DCAF1: variants seen among roughly 807,000 people sequenced by gnomAD.
DCAF1 encodes the protein DDB1- and CUL4-associated factor 1.
DCAF1 carries 15 observed loss-of-function variants against 128.0 expected under a neutral mutation model. That is an observed-to-expected ratio of 0.12 (90% CI 0.08 to 0.18). The LOEUF (loss-of-function observed/expected upper bound fraction) is 0.18. Ranked by LOEUF, DCAF1 falls within the 10% of genes least tolerant of loss-of-function variation. The probability of loss-of-function intolerance (pLI) is 1.00; values close to 1 mark genes in which losing one functional copy is unlikely to be tolerated. For synonymous variants in DCAF1, 610 were observed against 603.0 expected, an observed-to-expected ratio of 1.01 and a Z score of -0.17; for missense variants, 988 against 1,649.5, an observed-to-expected ratio of 0.60 and a Z score of 6.95.
chr3:51,463,813 C>CA (rs1293771181), intron 5 of DCAF1, among the ~76,000 whole-genome samples: 54 of 151,704 alleles, frequency 3.6e-4, no homozygotes, highest in African/African-American at 9.4e-4. Context: ...AGAACAAAAA[C>CA]AAAAAAAATG....
In DCAF1 at chr3:51,419,865, G is replaced by A. The variant is rs1402216378; in HGVS notation, c.3105C>T (p.His1035=). 1 of 1,613,960 alleles carries A rather than the reference G, an allele frequency of 6.2e-7. No homozygotes were observed. Among genetic ancestry groups the A allele is most frequent in the Non-Finnish European group, 8.5e-7 (1 of 1,179,914 alleles). ...GCCTCTGTTTTGGCTCAGGACATTG[G>A]TGAGGAGTAAAGAGGGAGAAAGGTG... The part of the protein sequence containing the change: ...TCPPFSLFTP[H]QCPEPKQRRQ... Residue 1035 remains histidine (H), a synonymous_variant, in exon 15 of 25, where the codon CAC becomes CAT. Coordinates refer to ENST00000684031, the MANE Select transcript of DCAF1 (RefSeq NM_001387579.1).
intron 6 of DCAF1, among the ~76,000 whole-genome samples, chr3:51,452,845 C>G (rs1702491496): frequency 6.6e-6 from 1 of 152,004 alleles, no homozygotes; most frequent in South Asian, 2.1e-4. Flanking sequence ...AACCTCATCT[C>G]TAATAAAAAT....
Position 51,499,959 on chromosome 3 carries a change from T to G in DCAF1, c.-142A>C, listed in dbSNP as rs1454452095. On this transcript the variant is annotated 5_prime_UTR_variant, in exon 1 of 25. Transcript: ENST00000684031. The stretch of plus-strand genomic sequence containing the variant: ...ACACAGCCTCAGGTCCCGCACTCAC[T>G]CTCCACTCACACACACACACAGCGC... The G allele has an allele frequency of 6.1e-5, 6 of 99,144 alleles. No individual in the cohort carries two copies. Among genetic ancestry groups the G allele is most frequent in the African/African-American group, 2.4e-4 (6 of 24,670 alleles). The allele number at this position is 99,144 out of a possible 1,614,324, so 6.1% of individuals were successfully genotyped here.
chr3:51,489,851 AT>A (rs1553657093), intron 2 of DCAF1, among the ~76,000 whole-genome samples: 56,194 of 151,224 alleles, frequency 0.37, 13,244 homozygotes, highest in Non-Finnish European at 0.52. Flanking sequence ...AGATAGATAG[AT>A]AGATAGATGG....
intron 2 of DCAF1, among the ~76,000 whole-genome samples, chr3:51,486,193 C>CTTT (rs35273248): frequency 4.4e-5 from 5 of 113,350 alleles, no homozygotes; most frequent in Non-Finnish European, 3.7e-5. Context: ...CCGGCAGATT[C>CTTT]TTTTTTTTTT....
intron 3 of DCAF1, among the ~76,000 whole-genome samples, chr3:51,472,112 C>T (rs997661422): frequency 1.3e-5 from 2 of 152,150 alleles, no homozygotes; most frequent in African/African-American, 4.8e-5. Context: ...CCACAATACC[C>T]TGAATTAAAT....
At chr3:51,454,401 A>G (rs564210182) in intron 6 of DCAF1, among the ~76,000 whole-genome samples, 1 of 152,188 alleles carries the variant, frequency 6.6e-6, no homozygotes, top group African/African-American at 2.4e-5. Context: ...TCACTCTGTC[A>G]CCCAGAGTGG....
Position 51,441,596 on chromosome 3 carries a change from T to G in DCAF1, c.815A>C (p.Gln272Pro). 6.2e-7 allele frequency: 1 copy of G among 1,614,052 alleles called. No individual in the cohort carries two copies. The highest frequency in any genetic ancestry group is 1.6e-4 in the Middle Eastern group (1 of 6,062). ...TTTCCTAAAGTTCTCTCTGTCACCC[T>G]GTTTTGCTGACTTGTTTTTCTTTAA... The part of the protein sequence containing the change: ...GGLKKNKSAK[Q>P]GDRENFRKAK... The change falls in exon 8 of 25, where the codon CAG (glutamine) becomes CCG (proline). Residue 272 changes from glutamine (Q) to proline (P), a missense_variant. Around this residue, in one of 11 missense-constraint regions of DCAF1, gnomAD observed 210 missense variants for 260.2 expected, o/e 0.81. Transcript: ENST00000684031.
At chr3:51,424,989 A>C (rs1553633750) in intron 13 of DCAF1, among the ~76,000 whole-genome samples, 1 of 152,214 alleles carries the variant, frequency 6.6e-6, no homozygotes, top group Admixed American at 6.5e-5. Context: ...ATGTTTTGAA[A>C]ATATTCATAA....
chr3:51,504,161 T>G (rs1708886785), upstream of DCAF1, among the ~76,000 whole-genome samples: 2 of 151,330 alleles, frequency 1.3e-5, no homozygotes, highest in African/African-American at 4.9e-5. Context: ...CTCAGCATCC[T>G]GAGTAGCTGG....
rs1167474829 is a variant in DCAF1, at chr3:51,451,069, C to CTTTTTTTTTTTTTTTTTTTTTTTTTT, written c.376-7192_376-7167dup. On this transcript the variant is annotated intron_variant, in intron 6 of 24. Transcript: ENST00000684031. ...CAATGAACAATATAAAAAGGAAATTCTTTTTTTTTTTTTTTTTTTTTTTTT... is the reference window on the plus strand; with the variant it reads ...CAATGAACAATATAAAAAGGAAATTCTTTTTTTTTTTTTTTTTTTTTTTTTTTTTTTTTTTTTTTTTTTTTTTTTTT... 7.4e-5 allele frequency among the ~76,000 whole-genome samples: 2 copies of CTTTTTTTTTTTTTTTTTTTTTTTTTT among 27,100 alleles called. 1 individual carries two copies. Among genetic ancestry groups the CTTTTTTTTTTTTTTTTTTTTTTTTTT allele is most frequent in the African/African-American group, 2.6e-4 (2 of 7,728 alleles). 17.8% of individuals were successfully genotyped at this position (27,100 alleles called of 152,430 possible).
At chr3:51,441,176 C>T (rs1701326124) in intron 8 of DCAF1, 105 bp from the exon 9 acceptor site, 27 of 1,214,954 alleles carry the variant, frequency 2.2e-5, no homozygotes, top group Non-Finnish European at 3.0e-5. Flanking sequence ...GCACCTCTTC[C>T]TCCCTCCCTG....
chr3:51,492,038 C>T (rs1017653043), intron 2 of DCAF1, among the ~76,000 whole-genome samples: 12 of 151,586 alleles, frequency 7.9e-5, no homozygotes, highest in African/African-American at 2.9e-4. Context: ...CACTGGTAGT[C>T]CCAGCTACTC....
chr3:51,411,250 G>A (rs1698391819), intron 23 of DCAF1, among the ~76,000 whole-genome samples: 1 of 151,950 alleles, frequency 6.6e-6, no homozygotes, highest in Non-Finnish European at 1.5e-5. Context: ...AAGAACTGGG[G>A]AAGAAAACAT....
At chr3:51,432,267 T>TAAAAAAAAA (rs879192648) in intron 10 of DCAF1, among the ~76,000 whole-genome samples, 1 of 99,040 alleles carries the variant, frequency 1.0e-5, no homozygotes, top group African/African-American at 4.1e-5. Context: ...CAAGATTCTG[T>TAAAAAAAAA]AAAAAAAAAA....
chr3:51,447,002 A>AATAATAATAATAAT, intron 6 of DCAF1, among the ~76,000 whole-genome samples: 1 of 49,060 alleles, frequency 2.0e-5, no homozygotes, highest in South Asian at 7.1e-4. Flanking sequence ...ATAATAATAA[A>AATAATAATAATAAT]ATGTTTTAAA....
At position 51,491,305 on chromosome 3, in the gene DCAF1, G is replaced by A. The variant is rs182462697; in HGVS notation, c.-9+5429C>T. Among the ~76,000 whole-genome samples, 513 of 148,800 alleles carry A rather than the reference G, an allele frequency of 3.4e-3. 2 individuals carry two copies. The highest frequency in any genetic ancestry group is 3.4e-3 in the Non-Finnish European group (228 of 67,538). On this transcript the variant is annotated intron_variant, in intron 2 of 24. Transcript: ENST00000684031. Reference sequence around the variant, plus strand: ...GGAGGCTGCAGTGAGCCAAGATTGCGCCACTGCACTCCAGCAAGGCAACAG... The same window carrying A: ...GGAGGCTGCAGTGAGCCAAGATTGCACCACTGCACTCCAGCAAGGCAACAG...
chr3:51,403,070 A>C, intron 24 of DCAF1, 73 bp downstream of exon 24: 1 of 1,518,548 alleles, frequency 6.6e-7, no homozygotes, highest in Non-Finnish European at 8.8e-7. Context: ...TTGCCCTCTA[A>C]GTTGTATGGG....
chr3:51,496,377 A>G (rs962982627), intron 2 of DCAF1, among the ~76,000 whole-genome samples: 2 of 152,102 alleles, frequency 1.3e-5, no homozygotes, highest in Admixed American at 6.6e-5. Flanking sequence ...CAGTGAGCCG[A>G]GATCGCGCCA....
Sources: gnomAD v4.1 joint callset for allele counts (sites outside exome capture counted in the v4.1 genomes callset) on GRCh38, gnomAD v4.1.1 for gene constraint, gnomAD v4.1.1 regional missense constraint, MANE v1.5 for transcripts, NCBI Gene and HGNC (gene_info 2026-07-23, HGNC 2026-07-21) for gene names.